The following CYTH3 variants were observed in gnomAD, a reference collection of about 807,000 sequenced individuals.
CYTH3 encodes the protein cytohesin-3.
Under a neutral mutation model 55.1 loss-of-function variants are expected in CYTH3, and 23 were observed. The observed-to-expected ratio is 0.42, with a 90% CI of 0.30 to 0.59. CYTH3 has a LOEUF of 0.59. CYTH3 is among the 20% of genes least tolerant of loss of function. CYTH3 has a pLI of 0.20. For synonymous variants in CYTH3, 249 were observed against 194.9 expected (o/e 1.28, Z -2.31); for missense variants, 413 against 524.8 (o/e 0.79, Z 2.08).
intron 1 of CYTH3, among the ~76,000 whole-genome samples, chr7:6,254,113 C>G (rs566565316): frequency 7.9e-5 from 12 of 152,144 alleles, no homozygotes; most frequent in African/African-American, 2.4e-4. Context: ...ACCCGGGAGA[C>G]GGAGGTTGAA....
chr7:6,232,867 G>A (rs1779420382), intron 1 of CYTH3, among the ~76,000 whole-genome samples: 1 of 152,080 alleles, frequency 6.6e-6, no homozygotes, highest in African/African-American at 2.4e-5. Context: ...TTTGCAACTA[G>A]GAGCCCTGAG....
At chr7:6,258,467 G>A (rs111681278) in intron 1 of CYTH3, among the ~76,000 whole-genome samples, 2,792 of 152,280 alleles carry the variant, frequency 0.018, 86 homozygotes, top group African/African-American at 0.064. Context: ...TAAGGAAAGA[G>A]GGATTATCCC....
rs1782974630 is a variant in CYTH3, at chr7:6,165,551, C to A, written c.966G>T (p.Arg322=). The A allele has an allele frequency of 6.2e-7, 1 of 1,613,858 alleles. No homozygotes were observed. Among genetic ancestry groups the A allele is most frequent in the East Asian group, 2.2e-5 (1 of 44,890 alleles). The part of the protein sequence containing the change: ...NLSIREVEDP[R]KPNCFELYNP... ...TTCAGGAGGAAGAGCTTACGGGTTT[C>A]CGGGGGTCCTCCACCTCCCTGATGC... The change falls in exon 11 of 13, where the codon CGG becomes CGT. Residue 322 remains arginine (R), a synonymous_variant. Coordinates refer to ENST00000350796, the MANE Select transcript of CYTH3 (RefSeq NM_004227.4).
chr7:6,196,751 G>A (rs926016091), intron 1 of CYTH3, among the ~76,000 whole-genome samples: 9 of 152,110 alleles, frequency 5.9e-5, no homozygotes, highest in Admixed American at 1.3e-4. Flanking sequence ...GTGAGCCACC[G>A]CGCCCAGCCG....
intron 1 of CYTH3, among the ~76,000 whole-genome samples, chr7:6,229,539 G>C (rs757134435): frequency 2.6e-5 from 4 of 151,884 alleles, no homozygotes; most frequent in Non-Finnish European, 5.9e-5. Context: ...GCTGGGCGCA[G>C]TGGTTCACGC....
At chr7:6,255,762 T>C (rs372834108) in intron 1 of CYTH3, among the ~76,000 whole-genome samples, 43 of 135,018 alleles carry the variant, frequency 3.2e-4, no homozygotes, top group African/African-American at 1.3e-3. Context: ...TAATCTGTTT[T>C]TTTTTTTTTT....
At chr7:6,266,237 G>A (rs1004021694) in intron 1 of CYTH3, among the ~76,000 whole-genome samples, 3 of 152,124 alleles carry the variant, frequency 2.0e-5, no homozygotes, top group Admixed American at 6.6e-5. Flanking sequence ...CAGTGGTTGA[G>A]AATACGGATT....
At chr7:6,272,276 C>A (rs565399146) in intron 1 of CYTH3, among the ~76,000 whole-genome samples, 198 bp downstream of exon 1, 2 of 151,736 alleles carry the variant, frequency 1.3e-5, no homozygotes, top group South Asian at 4.2e-4. Context: ...GCGACCCCGG[C>A]CCGCCCCCTC....
At position 6,166,282 on chromosome 7, in the gene CYTH3, G is replaced by A. The variant is rs188450139; in HGVS notation, c.824-472C>T. Reference sequence around the variant, plus strand: ...TTTTGTAACAAGATCTGGAGCACACGTGCACACGCACGTACCCCCATCTGT... The same window carrying A: ...TTTTGTAACAAGATCTGGAGCACACATGCACACGCACGTACCCCCATCTGT... On this transcript the variant is annotated intron_variant, in intron 9 of 12. Transcript: ENST00000350796. 3.3e-5 allele frequency among the ~76,000 whole-genome samples: 5 copies of A among 152,346 alleles called. No homozygotes were observed. The East Asian group carries it at 7.7e-4, about 24-fold the overall frequency.
chr7:6,222,161 T>C (rs889054332), intron 1 of CYTH3, among the ~76,000 whole-genome samples: 2 of 152,142 alleles, frequency 1.3e-5, no homozygotes, highest in Non-Finnish European at 2.9e-5. Flanking sequence ...CAGGGTGCCC[T>C]TCACAGCCTC....
chr7:6,181,574 T>C (rs1783502989), intron 4 of CYTH3, among the ~76,000 whole-genome samples: 1 of 152,242 alleles, frequency 6.6e-6, no homozygotes, highest in African/African-American at 2.4e-5. Flanking sequence ...TTACAACATT[T>C]TACTTGACAC....
chr7:6,181,624 G>A (rs935577851), intron 4 of CYTH3, among the ~76,000 whole-genome samples: 4 of 152,012 alleles, frequency 2.6e-5, no homozygotes, highest in African/African-American at 9.7e-5. Flanking sequence ...ATCCTGCTTG[G>A]CATTTGGTGG....
intron 1 of CYTH3, among the ~76,000 whole-genome samples, chr7:6,237,141 G>C (rs959649444): frequency 7.3e-6 from 1 of 136,712 alleles, no homozygotes; most frequent in South Asian, 2.4e-4. Flanking sequence ...CTCGGCAGGC[G>C]TTGCTTCAGC....
At chr7:6,210,086 C>A (rs540665292) in intron 1 of CYTH3, among the ~76,000 whole-genome samples, 1 of 152,116 alleles carries the variant, frequency 6.6e-6, no homozygotes. Flanking sequence ...AAAGGAAATG[C>A]TATTGTAAAC....
chr7:6,194,610 T>C (rs2128545135), intron 1 of CYTH3, among the ~76,000 whole-genome samples: 1 of 152,342 alleles, frequency 6.6e-6, no homozygotes, highest in Non-Finnish European at 1.5e-5. Context: ...CTCCCAGGTA[T>C]ATCAGAAAAA....
intron 4 of CYTH3, among the ~76,000 whole-genome samples, chr7:6,178,187 A>C (rs886761784): frequency 6.6e-6 from 1 of 152,390 alleles, no homozygotes; most frequent in Middle Eastern, 3.4e-3. Flanking sequence ...GGGTTATTGA[A>C]CAAACCATTA....
chr7:6,215,425 C>T (rs1784404642), intron 1 of CYTH3, among the ~76,000 whole-genome samples: 1 of 151,992 alleles, frequency 6.6e-6, no homozygotes, highest in Non-Finnish European at 1.5e-5. Context: ...CCCATCTCTA[C>T]TAAAAATACA....
In CYTH3 at chr7:6,169,525, A is replaced by G. The variant is rs1226403656; in HGVS notation, c.823+1010T>C. Among the ~76,000 whole-genome samples the G allele has an allele frequency of 6.6e-6, 1 of 152,134 alleles. No homozygotes were observed. The highest frequency in any genetic ancestry group is 1.5e-5 in the Non-Finnish European group (1 of 68,034). On this transcript the variant is annotated intron_variant, in intron 9 of 12. Transcript: ENST00000350796. This position sits in a 1 kb window ranked among gnomAD's most constrained non-coding sequence, Gnocchi z 4.1. ...TGCACCCGGCTGATAAAATTTTTAA[A>G]AAATCACCAGGATGCTCCACTCCAT...
intron 1 of CYTH3, among the ~76,000 whole-genome samples, chr7:6,266,101 A>T (rs999906314): frequency 6.6e-6 from 1 of 151,940 alleles, no homozygotes; most frequent in African/African-American, 2.4e-5. Flanking sequence ...CTACCACCCT[A>T]ACCCACCAAG....
Sources: allele counts gnomAD v4.1 joint callset (sites outside exome capture counted in the v4.1 genomes callset), GRCh38; gene constraint gnomAD v4.1.1; non-coding constraint Gnocchi (gnomAD v3.1); transcripts MANE v1.5; gene names NCBI Gene and HGNC (gene_info 2026-07-23, HGNC 2026-07-21).